The following ZNF28 variants were observed in gnomAD, a reference collection of about 807,000 sequenced individuals.
The protein encoded by ZNF28 is zinc finger protein 28, also known as zinc finger protein KOX24.
Under a neutral mutation model 7.2 loss-of-function variants are expected in ZNF28, and 5 were observed. The observed-to-expected ratio is 0.70, with a 90% CI of 0.36 to 1.46. The LOEUF (loss-of-function observed/expected upper bound fraction) is 1.46. ZNF28 is among the 40% of genes most tolerant of loss of function. The probability of loss-of-function intolerance (pLI) is 0.03; values close to 1 mark genes in which losing one functional copy is unlikely to be tolerated. For missense variants in ZNF28, 879 were observed against 866.6 expected, an observed-to-expected ratio of 1.01 and a Z score of -0.18; for synonymous variants, 288 against 292.4, an observed-to-expected ratio of 0.99 and a Z score of 0.15.
In ZNF28 at chr19:52,801,046, C is replaced by G; in HGVS notation, c.799G>C (p.Asp267His). The G allele has an allele frequency of 6.2e-7, 1 of 1,614,166 alleles. No homozygotes were observed. The highest frequency in any genetic ancestry group is 1.1e-5 in the South Asian group (1 of 91,080). The change falls in exon 4 of 4, where the codon GAT (aspartate) becomes CAT (histidine). Residue 267 changes from aspartate (D) to histidine (H), a missense_variant. Physicochemically the swap from Asp to His is moderately conservative, Grantham distance 81. Around this residue, in one of 2 missense-constraint regions of ZNF28, gnomAD observed 864 missense variants for 830.2 expected, o/e 1.04. Coordinates refer to ENST00000457749, the MANE Select transcript of ZNF28 (RefSeq NM_006969.5). The stretch of plus-strand genomic sequence containing the variant: ...TCATTACACTTGTAAGGTTTCTCAT[C>G]AATGTGAGATCTACGATGGCATGCA... The part of the protein sequence containing the change: ...YLACHRRSHI[D>H]EKPYKCNECG...
intron 1 of ZNF28, among the ~76,000 whole-genome samples, chr19:52,818,736 A>C (rs2076063400): frequency 6.6e-6 from 1 of 151,404 alleles, no homozygotes; most frequent in South Asian, 2.1e-4. Context: ...TACAAAAATT[A>C]GCAGGGTGTG....
intron 2 of ZNF28, among the ~76,000 whole-genome samples, chr19:52,816,187 C>T (rs2063121870): frequency 7.0e-6 from 1 of 143,872 alleles, no homozygotes; most frequent in Admixed American, 7.1e-5. Context: ...AAAATATATA[C>T]ATCATGTGAT....
chr19:52,805,425 C>T (rs927483102), intron 3 of ZNF28: 3 of 151,706 alleles, frequency 2.0e-5, no homozygotes, highest in Non-Finnish European at 2.9e-5. Context: ...GAGATTGAGA[C>T]TATCCTGGCC....
chr19:52,805,002 C>G (rs1302147123), intron 3 of ZNF28: 1 of 152,214 alleles, frequency 6.6e-6, no homozygotes, highest in Non-Finnish European at 1.5e-5. Context: ...GGTGCGGTGG[C>G]TCATGCCAGT....
In ZNF28 at chr19:52,801,464, A is replaced by G. The variant is rs748000919; in HGVS notation, c.381T>C (p.Asp127=). Residue 127 remains aspartate (D), a synonymous_variant, in exon 4 of 4, where the codon GAT becomes GAC. Transcript: ENST00000457749. ...TATGCTTGTTTCCAGCATGCCTTTG[A>G]TCATGTTGGCCTGTACTACCAGTCA... ...KELTGSTGQH[D]QRHAGNKHIK... is the part of the protein sequence containing the mutation. 1.9e-6 allele frequency: 3 copies of G among 1,614,016 alleles called. No individual in the cohort carries two copies. In the East Asian group the frequency reaches 6.7e-5, roughly 36 times the overall value.
Position 52,799,272 on chromosome 19 carries a change from G to A in ZNF28, c.*416C>T, listed in dbSNP as rs2062831641. On this transcript the variant is annotated 3_prime_UTR_variant, in exon 4 of 4. Coordinates refer to ENST00000457749, the MANE Select transcript of ZNF28 (RefSeq NM_006969.5). ...GTTGCCACACTCATCACATTTGTAA[G>A]GTTTCTCTCCAGTTTGAATTCTAAT... 1 of 421,092 alleles carries A rather than the reference G, an allele frequency of 2.4e-6. No individual in the cohort carries two copies. Among genetic ancestry groups the A allele is most frequent in the Non-Finnish European group, 4.5e-6 (1 of 221,270 alleles). 26.1% of individuals were successfully genotyped at this position (421,092 alleles called of 1,614,324 possible). A position where few individuals can be genotyped will look rare whatever the true frequency, so the allele number is the denominator to read the frequency against.
At chr19:52,806,646 G>A (rs1325023643) in intron 3 of ZNF28, among the ~76,000 whole-genome samples, 1 of 147,446 alleles carries the variant, frequency 6.8e-6, no homozygotes, top group African/African-American at 2.6e-5. Context: ...TCATGCCTAC[G>A]GTCCCAGTGT....
rs766298499 is a variant in ZNF28 at position 52,801,076 on chromosome 19, A to T, written c.769T>A (p.Tyr257Asn). Residue 257 changes from tyrosine to asparagine, a missense_variant, in exon 4 of 4, where the codon TAC becomes AAC. Physicochemically the swap from Tyr to Asn is moderately radical, Grantham distance 143. This residue lies in a region of ZNF28 where 864 missense variants were observed against 830.2 expected (regional missense o/e 1.04). Coordinates refer to ENST00000457749, the MANE Select transcript of ZNF28 (RefSeq NM_006969.5). ...TGAGATCTACGATGGCATGCAAGGT[A>T]TCGCTTCTGATTAAATACCTTGCCA... is the stretch of plus-strand genomic sequence containing the variant. ...VYGKVFNQKR[Y>N]LACHRRSHID... 1.2e-6 allele frequency: 2 copies of T among 1,614,180 alleles called. No individual in the cohort carries two copies. Among genetic ancestry groups the T allele is most frequent in the South Asian group, 2.2e-5 (2 of 91,086 alleles).
chr19:52,798,373 C>T lies in ZNF28; in HGVS notation c.*1315G>A. On this transcript the variant is annotated 3_prime_UTR_variant, in exon 4 of 4. Transcript: ENST00000457749. ...ATGTTAAGTCAACTCAAACTCAGGT[C>T]AGTGCTCATTTAACTGTAATGTCAA... 1 of 358,098 alleles carries T rather than the reference C, an allele frequency of 2.8e-6. No individual in the cohort carries two copies. Among genetic ancestry groups the T allele is most frequent in the Non-Finnish European group, 5.5e-6 (1 of 182,062 alleles). The allele number at this position is 358,098 out of a possible 1,614,324, so 22.2% of individuals were successfully genotyped here. A position where few individuals can be genotyped will look rare whatever the true frequency, so the allele number is the denominator to read the frequency against.
intron 3 of ZNF28, chr19:52,805,154 CA>C (rs1323299031): frequency 6.6e-6 from 1 of 151,968 alleles, no homozygotes; most frequent in Non-Finnish European, 1.5e-5. Context: ...CCTGTAGTCC[CA>C]GCTACTTGGA....
At chr19:52,817,152 C>G (rs1189471073) in intron 2 of ZNF28, among the ~76,000 whole-genome samples, 2 of 152,106 alleles carry the variant, frequency 1.3e-5, no homozygotes, top group Non-Finnish European at 2.9e-5. Context: ...GTAGGCGGAT[C>G]GCCTGAGGTC....
At chr19:52,807,936 G>A in intron 3 of ZNF28, 71 bp downstream of exon 3, 1 of 1,604,316 alleles carries the variant, frequency 6.2e-7, no homozygotes, top group Non-Finnish European at 8.5e-7. Flanking sequence ...AAGTAAGGAT[G>A]TGGCTCCCAA....
At position 52,800,759 on chromosome 19, in the gene ZNF28, C is replaced by T. The variant is rs1390155180; in HGVS notation, c.1086G>A (p.Lys362=). 1 of 1,613,940 alleles carries T rather than the reference C, an allele frequency of 6.2e-7. No individual in the cohort carries two copies. Among genetic ancestry groups the T allele is most frequent in the Admixed American group, 1.7e-5 (1 of 60,000 alleles). Residue 362 remains lysine, a synonymous_variant, in exon 4 of 4, where the codon AAG becomes AAA. Transcript: ENST00000457749. ...EKPYKCNECG[K]VFNRLSTLAR... is the part of the protein sequence containing the mutation. ...CAAGGGTTGACAGTCGATTAAAAACCTTGCCACATTCATTACACTTGTAAG... is the reference window on the plus strand; with the variant it reads ...CAAGGGTTGACAGTCGATTAAAAACTTTGCCACATTCATTACACTTGTAAG...
chr19:52,811,765 G>C (rs2063046595), intron 2 of ZNF28, among the ~76,000 whole-genome samples: 1 of 148,992 alleles, frequency 6.7e-6, no homozygotes, highest in Admixed American at 6.6e-5. Context: ...GGAGGTCGGG[G>C]GGGTCAGCCC....
intron 2 of ZNF28, 148 bp downstream of exon 2, chr19:52,817,796 G>C: frequency 6.5e-7 from 1 of 1,530,336 alleles, no homozygotes; most frequent in Non-Finnish European, 8.9e-7. Flanking sequence ...GAATCTAAGC[G>C]AGATGAGATG....
intron 2 of ZNF28, chr19:52,809,727 C>T (rs537142878): frequency 1.7e-4 from 69 of 407,970 alleles, no homozygotes; most frequent in Middle Eastern, 1.4e-3. Flanking sequence ...AACGCTTTAA[C>T]CCAGGAGGAG....
At chr19:52,812,174 CCA>C (rs1266820308) in intron 2 of ZNF28, among the ~76,000 whole-genome samples, 1 of 129,134 alleles carries the variant, frequency 7.7e-6, no homozygotes, top group Admixed American at 7.4e-5. Flanking sequence ...GCCAGCCGCC[CCA>C]TCTGGGAGGT....
At chr19:52,811,102 T>C (rs10406336) in intron 2 of ZNF28, among the ~76,000 whole-genome samples, 98,710 of 146,906 alleles carry the variant, frequency 0.67, 34,044 homozygotes, top group Non-Finnish European at 0.73. Context: ...CTGTGTTGGC[T>C]GGGCTGGTCT....
Position 52,799,470 on chromosome 19 carries a change from C to A in ZNF28, c.*218G>T. 1 of 882,366 alleles carries A rather than the reference C, an allele frequency of 1.1e-6. No individual in the cohort carries two copies. The highest frequency in any genetic ancestry group is 1.8e-6 in the Non-Finnish European group (1 of 551,068). The allele number at this position is 882,366 out of a possible 1,614,324, so 54.7% of individuals were successfully genotyped here. ...CTCTGCAGTATGAATTCTATGATGA[C>A]GTGCAAGGGTTGTTTTTTGATTAAA... On this transcript the variant is annotated 3_prime_UTR_variant, in exon 4 of 4. Transcript: ENST00000457749.
Sources: gnomAD v4.1 joint callset for allele counts (sites outside exome capture counted in the v4.1 genomes callset) on GRCh38, gnomAD v4.1.1 for gene constraint, gnomAD v4.1.1 regional missense constraint, MANE v1.5 for transcripts, NCBI Gene and HGNC (gene_info 2026-07-23, HGNC 2026-07-21) for gene names.